Variants in GRM8 observed in about 807,000 individuals in gnomAD.
GRM8 encodes the protein glutamate metabotropic receptor 8.
In GRM8, 47 loss-of-function variants were observed where a neutral mutation model predicts 87.2. The observed-to-expected ratio is 0.54, with a 90% CI of 0.43 to 0.69. GRM8 has a LOEUF of 0.69. GRM8 is among the 30% of genes least tolerant of loss of function. The pLI is 0.00. For missense variants in GRM8, 1,019 were observed against 1,139.2 expected (o/e 0.89, Z 1.52); for synonymous variants, 396 against 404.5 (o/e 0.98, Z 0.25).
intron 6 of GRM8, among the ~76,000 whole-genome samples, chr7:126,800,723 A>C (rs1822573839): frequency 2.0e-5 from 3 of 152,202 alleles, no homozygotes; most frequent in Non-Finnish European, 4.4e-5. Context: ...TTCTAGATTA[A>C]TTAACGTTTA....
chr7:126,651,487 A>G (rs1337976176), intron 7 of GRM8, among the ~76,000 whole-genome samples: 3 of 152,148 alleles, frequency 2.0e-5, no homozygotes, highest in Non-Finnish European at 4.4e-5. Context: ...AAGGGGTGGA[A>G]GTCGAAGTGG....
chr7:126,638,245 A>G (rs901525383), intron 7 of GRM8, among the ~76,000 whole-genome samples: 2 of 152,018 alleles, frequency 1.3e-5, no homozygotes, highest in African/African-American at 4.8e-5. Flanking sequence ...TCTTTCCCTC[A>G]TTGTGTTTCT....
At chr7:126,846,237 C>T (rs938480764) in intron 6 of GRM8, among the ~76,000 whole-genome samples, 3 of 152,066 alleles carry the variant, frequency 2.0e-5, no homozygotes, top group Non-Finnish European at 4.4e-5. Flanking sequence ...ACTGTTAAAA[C>T]TCAAACTAAA....
intron 3 of GRM8, among the ~76,000 whole-genome samples, chr7:127,012,826 G>T (rs1008442256): frequency 8.6e-5 from 13 of 151,868 alleles, no homozygotes; most frequent in African/African-American, 3.1e-4. Context: ...TCAGGAAAAA[G>T]AAAAAAGAGA....
chr7:126,849,341 G>A (rs1796994018), intron 6 of GRM8, among the ~76,000 whole-genome samples: 1 of 152,124 alleles, frequency 6.6e-6, no homozygotes, highest in Admixed American at 6.5e-5. Context: ...ATTGAATGAT[G>A]TCTCAAAGGA....
chr7:127,020,866 T>C (rs1816194073), intron 3 of GRM8, among the ~76,000 whole-genome samples: 1 of 151,962 alleles, frequency 6.6e-6, no homozygotes, highest in African/African-American at 2.4e-5. Flanking sequence ...CCAATTACCA[T>C]TCAGAATAGA....
At chr7:127,195,768 T>A (rs1795247209) in intron 2 of GRM8, among the ~76,000 whole-genome samples, 1 of 152,132 alleles carries the variant, frequency 6.6e-6, no homozygotes, top group South Asian at 2.1e-4. Flanking sequence ...ACCCTGAGCA[T>A]CTCTCTTCAC....
At chr7:127,140,223 G>A (rs1181565806) in intron 2 of GRM8, among the ~76,000 whole-genome samples, 2 of 152,010 alleles carry the variant, frequency 1.3e-5, no homozygotes, top group Admixed American at 1.3e-4. Context: ...TCTTTGATGT[G>A]AAGGGCCATC....
intron 2 of GRM8, among the ~76,000 whole-genome samples, chr7:127,137,404 A>T (rs1309576906): frequency 6.6e-6 from 1 of 152,128 alleles, no homozygotes; most frequent in East Asian, 1.9e-4. Flanking sequence ...GAACTATGTC[A>T]TATCCAATTC....
At chr7:126,470,226 C>T (rs1039326579) in intron 9 of GRM8, among the ~76,000 whole-genome samples, 1 of 151,744 alleles carries the variant, frequency 6.6e-6, no homozygotes, top group African/African-American at 2.4e-5. Flanking sequence ...TTTTAGGGTA[C>T]ATGTGCACAA....
At chr7:127,125,029 A>G (rs1269708019) in intron 2 of GRM8, among the ~76,000 whole-genome samples, 1 of 152,134 alleles carries the variant, frequency 6.6e-6, no homozygotes, top group Non-Finnish European at 1.5e-5. Flanking sequence ...CATCTGTTGA[A>G]AAAATACATC....
At chr7:126,612,138 G>A (rs1192595731) in intron 7 of GRM8, among the ~76,000 whole-genome samples, 1 of 152,098 alleles carries the variant, frequency 6.6e-6, no homozygotes, top group Non-Finnish European at 1.5e-5. Context: ...AGGATTAAAT[G>A]AATCAATATA....
In GRM8 at chr7:126,683,662, T is replaced by C. The variant is rs1250452897; in HGVS notation, c.1358-74164A>G. ...ATTAATTAAATAAAATCCAATGCTC[T>C]TTTCTTAATATTCAATCAGGTGTTT... is the stretch of plus-strand genomic sequence containing the variant. On this transcript the variant is annotated intron_variant, in intron 7 of 10. Transcript: ENST00000339582. Among the ~76,000 whole-genome samples, 4 of 152,214 alleles carry C rather than the reference T, an allele frequency of 2.6e-5. No homozygotes were observed. In the East Asian group the frequency reaches 5.8e-4, roughly 22 times the overall value.
intron 3 of GRM8, among the ~76,000 whole-genome samples, chr7:126,924,622 C>T (rs1445045157): frequency 6.6e-6 from 1 of 152,062 alleles, no homozygotes; most frequent in Non-Finnish European, 1.5e-5. Context: ...TTCCCTCCTT[C>T]CTTCTTTCCT....
In GRM8 at chr7:126,646,247, G is replaced by A. The variant is rs533557294; in HGVS notation, c.1358-36749C>T. Among the ~76,000 whole-genome samples, 3 of 150,506 alleles carry A rather than the reference G, an allele frequency of 2.0e-5. No individual in the cohort carries two copies. In the South Asian group the frequency reaches 6.3e-4, roughly 32 times the overall value. ...GGAAGAGAGAGAAGAAGAAAAGGAA[G>A]AGAGAAGGAGGGAAAGAAGGAAGGA... On this transcript the variant is annotated intron_variant, in intron 7 of 10. Coordinates refer to ENST00000339582, the MANE Select transcript of GRM8 (RefSeq NM_000845.3).
chr7:127,128,348 A>T (rs983338346), intron 2 of GRM8, among the ~76,000 whole-genome samples: 1 of 152,144 alleles, frequency 6.6e-6, no homozygotes, highest in Non-Finnish European at 1.5e-5. Flanking sequence ...TTTGAGGATC[A>T]TACTACTCTG....
intron 7 of GRM8, among the ~76,000 whole-genome samples, chr7:126,658,556 C>G (rs1027066221): frequency 6.6e-6 from 1 of 151,912 alleles, no homozygotes; most frequent in Admixed American, 6.6e-5. Flanking sequence ...CCACAGTCCA[C>G]TCAATACTGC....
chr7:126,827,524 T>C (rs1394280256), intron 6 of GRM8, among the ~76,000 whole-genome samples: 3 of 152,206 alleles, frequency 2.0e-5, no homozygotes, highest in South Asian at 2.1e-4. Flanking sequence ...TGGTCTGTTA[T>C]TGGTGTATAA....
intron 6 of GRM8, among the ~76,000 whole-genome samples, chr7:126,893,690 A>T (rs1486274278): frequency 6.6e-6 from 1 of 151,990 alleles, no homozygotes; most frequent in Non-Finnish European, 1.5e-5. Flanking sequence ...TTCCTCACAA[A>T]ATATAAGCTC....
Sources: allele counts gnomAD v4.1 joint callset (sites outside exome capture counted in the v4.1 genomes callset), GRCh38; gene constraint gnomAD v4.1.1; transcripts MANE v1.5; gene names NCBI Gene and HGNC (gene_info 2026-07-23, HGNC 2026-07-21).